PARD3B: variants seen among roughly 807,000 people sequenced by gnomAD.
The protein encoded by PARD3B is partitioning defective 3 homolog B.
In PARD3B, 103 loss-of-function variants were observed where a neutral mutation model predicts 130.2. The observed-to-expected ratio is 0.79, with a 90% CI of 0.67 to 0.93. The LOEUF (loss-of-function observed/expected upper bound fraction) is 0.93. Among genes scored for constraint, PARD3B ranks in the 40% least tolerant of loss-of-function variants. PARD3B has a pLI of 0.00. For missense variants in PARD3B, 1,609 were observed against 1,499.2 expected (o/e 1.07, Z -1.21); for synonymous variants, 583 against 553.2 (o/e 1.05, Z -0.76).
At chr2:204,691,505 C>CAG (rs2037350373) in intron 2 of PARD3B, among the ~76,000 whole-genome samples, 1 of 152,086 alleles carries the variant, frequency 6.6e-6, no homozygotes, top group Non-Finnish European at 1.5e-5. Context: ...TCAGTTTTAT[C>CAG]TCCTATTAGT....
intron 3 of PARD3B, among the ~76,000 whole-genome samples, chr2:204,989,761 G>A (rs1461144945): frequency 6.6e-6 from 1 of 152,046 alleles, no homozygotes; most frequent in Non-Finnish European, 1.5e-5. Flanking sequence ...CTCCTAAGGA[G>A]TATCATGTTG....
chr2:205,272,234 AT>A (rs1434493300), intron 16 of PARD3B, among the ~76,000 whole-genome samples: 3 of 151,854 alleles, frequency 2.0e-5, no homozygotes, highest in African/African-American at 7.3e-5. Context: ...TACCAATAAA[AT>A]TTTGCTTAAT....
At chr2:205,377,094 A>T (rs1183430134) in intron 18 of PARD3B, among the ~76,000 whole-genome samples, 4 of 152,188 alleles carry the variant, frequency 2.6e-5, no homozygotes, top group Admixed American at 1.3e-4. Context: ...ACCTTATTAG[A>T]GTTAGCTGGG....
At chr2:205,580,706 C>G (rs1310900325) in intron 22 of PARD3B, among the ~76,000 whole-genome samples, 2 of 152,294 alleles carry the variant, frequency 1.3e-5, no homozygotes, top group East Asian at 3.9e-4. Flanking sequence ...ATGAATGGAT[C>G]TCTTAATGAT....
Position 205,281,873 on chromosome 2 carries a change from G to A in PARD3B, c.2186-18657G>A, listed in dbSNP as rs531766408. Among the ~76,000 whole-genome samples, 1 of 152,310 alleles carries A rather than the reference G, an allele frequency of 6.6e-6. No individual in the cohort carries two copies. The highest frequency in any genetic ancestry group is 6.5e-5 in the Admixed American group (1 of 15,310). The stretch of plus-strand genomic sequence containing the variant: ...ATGGATGAGTAGATGAGAATGCCTT[G>A]TAGTTGAAGAGGAAGACAAAAAGAA... On this transcript the variant is annotated intron_variant, in intron 16 of 22. Transcript: ENST00000406610. The surrounding 1 kb of genome is among the most constrained non-coding windows in gnomAD (Gnocchi z 4.2).
In PARD3B at chr2:205,172,332, G is replaced by A. The variant is rs370874606; in HGVS notation, c.1742G>A (p.Arg581Gln). ...RRSMSMEGNIRGMIQLVILRR... is the reference protein window; with the variant it reads ...RRSMSMEGNIQGMIQLVILRR... The stretch of plus-strand genomic sequence containing the variant: ...TCAATGTCCATGGAGGGAAACATCC[G>A]AGGGATGATCCAGTTGGTGATTCTG... The change falls in exon 12 of 23, where the codon CGA becomes CAA. Residue 581 changes from arginine to glutamine, a missense_variant. Transcript: ENST00000406610. The A allele has an allele frequency of 7.4e-6, 12 of 1,614,016 alleles. No individual in the cohort carries two copies. The highest frequency in any genetic ancestry group is 2.2e-5 in the East Asian group (1 of 44,884).
intron 16 of PARD3B, among the ~76,000 whole-genome samples, chr2:205,256,351 C>A (rs925425397): frequency 1.6e-4 from 24 of 151,998 alleles, no homozygotes; most frequent in African/African-American, 5.3e-4. Flanking sequence ...TGAACATGTA[C>A]CGTATACCAG....
At chr2:205,150,897 G>A (rs1305061770) in intron 10 of PARD3B, among the ~76,000 whole-genome samples, 1 of 152,102 alleles carries the variant, frequency 6.6e-6, no homozygotes, top group Non-Finnish European at 1.5e-5. Context: ...TCTCAGTTAG[G>A]AGGAATAAGT....
chr2:204,812,405 A>G (rs1338498180), intron 2 of PARD3B, among the ~76,000 whole-genome samples: 1 of 152,166 alleles, frequency 6.6e-6, no homozygotes, highest in Non-Finnish European at 1.5e-5. Context: ...AAAAAGTTTT[A>G]GAGGAGGAAT....
intron 2 of PARD3B, among the ~76,000 whole-genome samples, chr2:204,958,550 G>A (rs978689472): frequency 1.3e-5 from 2 of 152,172 alleles, no homozygotes; most frequent in Admixed American, 1.3e-4. Context: ...TCCTCTGTCA[G>A]TCCTGTGATG....
chr2:205,551,585 G>A (rs970294244), intron 21 of PARD3B, among the ~76,000 whole-genome samples: 1 of 151,920 alleles, frequency 6.6e-6, no homozygotes, highest in African/African-American at 2.4e-5. Context: ...AATATAAAGA[G>A]GTTTTATAGG....
chr2:204,621,577 A>G (rs2034303939), intron 1 of PARD3B, among the ~76,000 whole-genome samples: 1 of 152,178 alleles, frequency 6.6e-6, no homozygotes, highest in Non-Finnish European at 1.5e-5. Flanking sequence ...TAAATCTATA[A>G]TATTGATTTG....
chr2:204,593,496 G>A (rs1021498349), intron 1 of PARD3B, among the ~76,000 whole-genome samples: 3 of 152,120 alleles, frequency 2.0e-5, no homozygotes, highest in African/African-American at 7.2e-5. Context: ...CTTCCAAGGG[G>A]CAAATTTTCG....
chr2:204,836,657 T>C (rs1485382776), intron 2 of PARD3B, among the ~76,000 whole-genome samples: 1 of 152,016 alleles, frequency 6.6e-6, no homozygotes, highest in African/African-American at 2.4e-5. Context: ...TGAGACTCCA[T>C]CTCCGAAAAA....
At chr2:204,693,338 G>A (rs981588051) in intron 2 of PARD3B, among the ~76,000 whole-genome samples, 2 of 151,972 alleles carry the variant, frequency 1.3e-5, no homozygotes, top group African/African-American at 4.8e-5. Context: ...CCTGTCAGCT[G>A]TTTTTGTGCC....
intron 19 of PARD3B, among the ~76,000 whole-genome samples, chr2:205,425,454 A>G (rs1228488829): frequency 6.6e-6 from 1 of 151,870 alleles, no homozygotes; most frequent in Non-Finnish European, 1.5e-5. Flanking sequence ...CAATGGAAAG[A>G]TACTCAAGGA....
At chr2:205,536,931 G>A (rs1019756798) in intron 21 of PARD3B, among the ~76,000 whole-genome samples, 9 of 152,186 alleles carry the variant, frequency 5.9e-5, no homozygotes, top group South Asian at 4.2e-4. Flanking sequence ...ATGAATTGGC[G>A]TTGTACATTT....
In PARD3B at chr2:205,482,075, C is replaced by T. The variant is rs142321974; in HGVS notation, c.3045-17821C>T. 1.8e-3 allele frequency among the ~76,000 whole-genome samples: 273 copies of T among 152,154 alleles called. 3 individuals carry two copies. The highest frequency in any genetic ancestry group is 6.0e-3 in the African/African-American group (247 of 41,490). ...AGGACCTGCCCCATGCGAGCCACTC[C>T]GGGGATCATATGTTGAATAGATGGA... is the stretch of plus-strand genomic sequence containing the variant. On this transcript the variant is annotated intron_variant, in intron 20 of 22. Transcript: ENST00000406610.
rs899105689 is a variant in PARD3B, at chr2:204,557,335, C to A, written c.120+11216C>A. ...TTGTAGCCTGTTACTGCGCACATGG[C>A]ACCATCATTCACTTGGTTGTCTAAT... is the stretch of plus-strand genomic sequence containing the variant. On this transcript the variant is annotated intron_variant, in intron 1 of 22. Coordinates refer to ENST00000406610, the MANE Select transcript of PARD3B (RefSeq NM_001302769.2). 5.3e-5 allele frequency among the ~76,000 whole-genome samples: 8 copies of A among 152,268 alleles called. 1 individual carries two copies. Among genetic ancestry groups the A allele is most frequent in the Non-Finnish European group, 1.0e-4 (7 of 68,022 alleles).
Sources: gnomAD v4.1 joint callset for allele counts (sites outside exome capture counted in the v4.1 genomes callset) on GRCh38, gnomAD v4.1.1 for gene constraint, Gnocchi (gnomAD v3.1) non-coding constraint, MANE v1.5 for transcripts, NCBI Gene and HGNC (gene_info 2026-07-23, HGNC 2026-07-21) for gene names.